Variants in DUSP12 observed in about 807,000 individuals in gnomAD.
DUSP12 encodes dual specificity phosphatase 12, also known as dual specificity protein phosphatase 12.
In DUSP12, 25 loss-of-function variants were observed where a neutral mutation model predicts 38.9. The ratio of observed to expected loss-of-function variants is 0.64; its 90% CI spans 0.47 to 0.90. The LOEUF (loss-of-function observed/expected upper bound fraction) is 0.90. DUSP12 is among the 40% of genes least tolerant of loss of function. DUSP12 has a pLI of 0.00. For missense variants in DUSP12, 403 were observed against 427.0 expected (o/e 0.94, Z 0.50); for synonymous variants, 153 against 153.9 (o/e 0.99, Z 0.05).
At chr1:161,752,078 C>T (rs1557943030) in intron 3 of DUSP12, 94 bp downstream of exon 3, 2 of 901,234 alleles carry the variant, frequency 2.2e-6, no homozygotes, top group African/African-American at 3.4e-5. Flanking sequence ...CCCTGAGAAA[C>T]TATTGTTTCT....
At position 161,749,997 on chromosome 1, in the gene DUSP12, T is replaced by C. The variant is rs1202196961; in HGVS notation, c.196T>C (p.Phe66Leu). ...VLTVDSEEPS[F>L]KAGPGVEDLW... ...AACAGTGGACTCGGAGGAGCCCAGC[T>C]TCAAGGCGGGGCCTGGGGTCGAGGA... Residue 66 changes from phenylalanine (F) to leucine (L), a missense_variant, in exon 1 of 6, where the codon TTC becomes CTC. Transcript: ENST00000367943. The C allele has an allele frequency of 1.2e-6, 2 of 1,613,914 alleles. No individual in the cohort carries two copies. Among genetic ancestry groups the C allele is most frequent in the Non-Finnish European group, 1.7e-6 (2 of 1,179,970 alleles).
In DUSP12 at chr1:161,757,122, C is replaced by G. The variant is rs1684122778; in HGVS notation, c.*175C>G. Reference sequence around the variant, plus strand: ...TACATGGCAATCAAAGCCTTTTGATCATGTACATTTTATTTGATATTAAAA... The same window carrying G: ...TACATGGCAATCAAAGCCTTTTGATGATGTACATTTTATTTGATATTAAAA... On this transcript the variant is annotated 3_prime_UTR_variant, in exon 6 of 6. Transcript: ENST00000367943. 1.9e-6 allele frequency: 1 copy of G among 534,718 alleles called. No homozygotes were observed. The highest frequency in any genetic ancestry group is 3.2e-6 in the Non-Finnish European group (1 of 311,950). 33.1% of individuals were successfully genotyped at this position (534,718 alleles called of 1,614,324 possible).
rs1320415936 is a variant in DUSP12 at position 161,756,809 on chromosome 1, CA to C, written c.887del (p.Lys296SerfsTer18). ...AGCTTCTTTGCCCAAAATGCAGTGC[CA>C]AGTTGGGTTCCTTCAACTGGTATGG... ...GQLLCPKCSA[K>X]LGSFNWYGEQ... On this transcript the variant is annotated frameshift_variant, in exon 6 of 6. Transcript: ENST00000367943. LOFTEE classifies it high-confidence loss of function. 2.5e-6 allele frequency: 4 copies of C among 1,612,100 alleles called. No homozygotes were observed. In the African/African-American group the frequency reaches 5.3e-5, roughly 22 times the overall value.
At chr1:161,750,244 T>C in intron 1 of DUSP12, 99 bp downstream of exon 1, 1 of 1,344,044 alleles carries the variant, frequency 7.4e-7, no homozygotes, top group South Asian at 1.3e-5. Flanking sequence ...AAGAGCGCGG[T>C]CATGCCGCGT....
Position 161,751,880 on chromosome 1 carries a change from TTGAG to T in DUSP12, c.476_479del (p.Glu159GlyfsTer3). ...TATCATTACAGGATGAATGAGGGGTTTGAGTGGCAACTGAAATTATACCAGGCAA... is the reference window on the plus strand; with the variant it reads ...TATCATTACAGGATGAATGAGGGGTTTGGCAACTGAAATTATACCAGGCAA... On this transcript the variant is annotated frameshift_variant, in exon 3 of 6. Coordinates refer to ENST00000367943, the MANE Select transcript of DUSP12 (RefSeq NM_007240.3). LOFTEE classifies it high-confidence loss of function. The T allele has an allele frequency of 1.9e-6, 3 of 1,612,848 alleles. No individual in the cohort carries two copies. The highest frequency in any genetic ancestry group is 2.5e-6 in the Non-Finnish European group (3 of 1,179,464).
intron 5 of DUSP12, among the ~76,000 whole-genome samples, chr1:161,755,880 G>A (rs571151759): frequency 8.9e-4 from 135 of 151,484 alleles, no homozygotes; most frequent in African/African-American, 3.1e-3. Context: ...TTTTTGAGAC[G>A]GAGTCTTGCT....
chr1:161,753,575 G>A (rs1479828159), intron 5 of DUSP12, among the ~76,000 whole-genome samples: 1 of 151,936 alleles, frequency 6.6e-6, no homozygotes, highest in Non-Finnish European at 1.5e-5. Flanking sequence ...TATTGGCTGG[G>A]CACTCTTGCC....
rs1484356341 is a variant in DUSP12 at position 161,752,556 on chromosome 1, TTTTG to T, written c.674+96_674+99del. 1.7e-5 allele frequency: 15 copies of T among 873,876 alleles called. No individual in the cohort carries two copies. In the African/African-American group the frequency reaches 2.0e-4, roughly 12 times the overall value. The allele number at this position is 873,876 out of a possible 1,614,324, so 54.1% of individuals were successfully genotyped here. On this transcript the variant is annotated intron_variant, in intron 4 of 5. Transcript: ENST00000367943. Reference sequence around the variant, plus strand: ...ATTTTCTTAAATTTCTGTAGGAAGATTTTGTTTAATTGAAATTTTTAGTTCAGAT... The same window carrying T: ...ATTTTCTTAAATTTCTGTAGGAAGATTTTAATTGAAATTTTTAGTTCAGAT...
chr1:161,750,336 C>T (rs1038799208), intron 1 of DUSP12, among the ~76,000 whole-genome samples, 191 bp downstream of exon 1: 2 of 152,232 alleles, frequency 1.3e-5, no homozygotes, highest in African/African-American at 4.8e-5. Flanking sequence ...TGTGTGCAGG[C>T]TTTCATTCAT....
chr1:161,756,516 T>C (rs910116028), intron 5 of DUSP12, among the ~76,000 whole-genome samples: 2 of 115,796 alleles, frequency 1.7e-5, no homozygotes, highest in Non-Finnish European at 3.5e-5. Context: ...TATATATATA[T>C]ATATGCCACA....
At chr1:161,751,552 T>C in intron 1 of DUSP12, 116 bp from the exon 2 acceptor site, 1 of 1,331,944 alleles carries the variant, frequency 7.5e-7, no homozygotes, top group Non-Finnish European at 1.0e-6. Flanking sequence ...TGGGCTTATT[T>C]GAGAAGCAAA....
At chr1:161,754,487 G>A (rs1684079661) in intron 5 of DUSP12, among the ~76,000 whole-genome samples, 2 of 152,098 alleles carry the variant, frequency 1.3e-5, no homozygotes, top group African/African-American at 4.8e-5. Flanking sequence ...AAGATAGTAC[G>A]TGAGACTGGG....
chr1:161,750,375 A>T (rs891339022), intron 1 of DUSP12, among the ~76,000 whole-genome samples: 1 of 152,242 alleles, frequency 6.6e-6, no homozygotes, highest in African/African-American at 2.4e-5. Flanking sequence ...TTCCTGCAGC[A>T]GCAGAGGGCG....
rs1215734690 is a variant in DUSP12, at chr1:161,751,974, G to C, written c.567G>C (p.Glu189Asp). 3 of 1,604,080 alleles carry C rather than the reference G, an allele frequency of 1.9e-6. No individual in the cohort carries two copies. The highest frequency in any genetic ancestry group is 1.3e-5 in the African/African-American group (1 of 74,700). Reference sequence around the variant, plus strand: ...AATATCGTTTACAAAAGGTTACAGAGAAGTATCCAGGTAAGTAATAATTGC... The same window carrying C: ...AATATCGTTTACAAAAGGTTACAGACAAGTATCCAGGTAAGTAATAATTGC... ...YKQYRLQKVT[E>D]KYPELQNLPQ... Residue 189 changes from glutamate (E) to aspartate (D), a missense_variant, in exon 3 of 6, where the codon GAG (glutamate) becomes GAC (aspartate). Coordinates refer to ENST00000367943, the MANE Select transcript of DUSP12 (RefSeq NM_007240.3).
In DUSP12 at chr1:161,752,967, G is replaced by A. The variant is rs954838623; in HGVS notation, c.675-108G>A. 10 of 1,171,240 alleles carry A rather than the reference G, an allele frequency of 8.5e-6. No homozygotes were observed. In the African/African-American group the frequency reaches 1.6e-4, roughly 19 times the overall value. The allele number at this position is 1,171,240 out of a possible 1,614,324, so 72.6% of individuals were successfully genotyped here. On this transcript the variant is annotated intron_variant, in intron 4 of 5. Transcript: ENST00000367943. ...ATCACGCCACTGCACTCTAGCATGG[G>A]CGACAGAGTGAGACTCTGTCTCAAA...
Position 161,756,918 on chromosome 1 carries a change from GT to G in DUSP12, c.998del (p.Leu333TrpfsTer14). 10 of 1,611,690 alleles carry G rather than the reference GT, an allele frequency of 6.2e-6. No individual in the cohort carries two copies. Among genetic ancestry groups the G allele is most frequent in the Non-Finnish European group, 8.5e-6 (10 of 1,178,582 alleles). ...AGTGGATGAAATGAAAATATTGCCT[GT>G]TTTGGGATCACAAACAGGAAAAATA... ...NRVDEMKILP[V>X]LGSQTGKI On this transcript the variant is annotated frameshift_variant, in exon 6 of 6. Coordinates refer to ENST00000367943, the MANE Select transcript of DUSP12 (RefSeq NM_007240.3). LOFTEE classifies it high-confidence loss of function.
chr1:161,753,364 A>T (rs1471547636), intron 5 of DUSP12, 103 bp downstream of exon 5: 2 of 974,174 alleles, frequency 2.1e-6, no homozygotes, highest in African/African-American at 3.4e-5. Flanking sequence ...TCCATTTCTT[A>T]ATTTCTTTAT....
chr1:161,754,455 A>T (rs547516262), intron 5 of DUSP12, among the ~76,000 whole-genome samples: 2 of 152,164 alleles, frequency 1.3e-5, no homozygotes, highest in Non-Finnish European at 2.9e-5. Flanking sequence ...ATCGTGTATT[A>T]GTCTATTTTC....
rs1036724085 is a variant in DUSP12, at chr1:161,751,861, T to C, written c.459-5T>C. 3.1e-6 allele frequency: 5 copies of C among 1,609,700 alleles called. No individual in the cohort carries two copies. The highest frequency in any genetic ancestry group is 4.2e-6 in the Non-Finnish European group (5 of 1,177,798). ...ATGAAACTTTATATTTCTTTATCAT[T>C]ACAGGATGAATGAGGGGTTTGAGTG... On this transcript the variant is annotated splice_polypyrimidine_tract_variant and splice_region_variant and intron_variant, in intron 2 of 5. Transcript: ENST00000367943.
Sources: gnomAD v4.1 joint callset for allele counts (sites outside exome capture counted in the v4.1 genomes callset) on GRCh38, gnomAD v4.1.1 for gene constraint, MANE v1.5 for transcripts, NCBI Gene and HGNC (gene_info 2026-07-23, HGNC 2026-07-21) for gene names.